Variants in PRKCA observed in about 807,000 individuals in gnomAD.
PRKCA encodes protein kinase C alpha, also known as protein kinase C alpha type.
PRKCA carries 27 observed loss-of-function variants against 87.0 expected under a neutral mutation model. That is an observed-to-expected ratio of 0.31 (90% CI 0.23 to 0.43). The LOEUF (loss-of-function observed/expected upper bound fraction) is 0.43, where lower values mean the gene tolerates loss of function less well. Among genes scored for constraint, PRKCA ranks in the 20% least tolerant of loss-of-function variants. The pLI is 1.00. For synonymous variants in PRKCA, 329 were observed against 311.1 expected, an observed-to-expected ratio of 1.06 and a Z score of -0.61; for missense variants, 518 against 852.3, an observed-to-expected ratio of 0.61 and a Z score of 4.88.
At chr17:66,392,215 G>C (rs964114431) in intron 2 of PRKCA, among the ~76,000 whole-genome samples, 3 of 146,122 alleles carry the variant, frequency 2.1e-5, no homozygotes, top group Admixed American at 7.0e-5. Context: ...GGGCGACAGA[G>C]CAAGACTGTG....
intron 8 of PRKCA, among the ~76,000 whole-genome samples, chr17:66,717,675 A>G (rs898936979): frequency 5.9e-5 from 9 of 152,230 alleles, no homozygotes; most frequent in Non-Finnish European, 1.2e-4. Flanking sequence ...TGTAGAGAAC[A>G]GAGCGTCCTT....
intron 7 of PRKCA, among the ~76,000 whole-genome samples, chr17:66,688,667 G>A (rs1052682986): frequency 3.3e-5 from 5 of 152,032 alleles, no homozygotes; most frequent in African/African-American, 1.2e-4. Context: ...GCCAGGTGTG[G>A]TGGTGTACCC....
intron 2 of PRKCA, among the ~76,000 whole-genome samples, chr17:66,471,631 T>C (rs1915328628): frequency 6.6e-6 from 1 of 151,292 alleles, no homozygotes; most frequent in Non-Finnish European, 1.5e-5. Context: ...GAAAATTGAA[T>C]GGACTGTTTT....
intron 8 of PRKCA, among the ~76,000 whole-genome samples, chr17:66,706,903 T>C (rs1973207236): frequency 6.6e-6 from 1 of 152,184 alleles, no homozygotes; most frequent in Admixed American, 6.5e-5. Context: ...TTGTGACCTC[T>C]GGGTTAATGG....
intron 5 of PRKCA, among the ~76,000 whole-genome samples, chr17:66,664,864 T>C (rs1044070278): frequency 4.6e-5 from 7 of 152,000 alleles, no homozygotes; most frequent in Non-Finnish European, 1.0e-4. Context: ...GGTCTCACAC[T>C]CCTGGCCTCA....
chr17:66,435,816 TAGAG>T (rs1913360647), intron 2 of PRKCA, among the ~76,000 whole-genome samples: 1 of 152,042 alleles, frequency 6.6e-6, no homozygotes, highest in African/African-American at 2.4e-5. Context: ...GGTTTCCAGA[TAGAG>T]AGGATGCCAT....
intron 3 of PRKCA, among the ~76,000 whole-genome samples, chr17:66,560,170 C>A (rs557485216): frequency 2.8e-4 from 43 of 151,996 alleles, no homozygotes; most frequent in African/African-American, 9.2e-4. Flanking sequence ...GAGAGGCATA[C>A]CCCCAGAGGC....
chr17:66,592,643 C>T (rs1969844675), intron 3 of PRKCA, among the ~76,000 whole-genome samples: 1 of 152,152 alleles, frequency 6.6e-6, no homozygotes, highest in African/African-American at 2.4e-5. Flanking sequence ...GAACGGTTCT[C>T]CTGAAAATTC....
chr17:66,803,620 C>G lies in PRKCA; in HGVS notation c.1855-253C>G, dbSNP rs922126636. On this transcript the variant is annotated intron_variant, in intron 16 of 16. Coordinates refer to ENST00000413366, the MANE Select transcript of PRKCA (RefSeq NM_002737.3). This position sits in a 1 kb window ranked among gnomAD's most constrained non-coding sequence, Gnocchi z 4.4. The stretch of plus-strand genomic sequence containing the variant: ...ACAGGGGCTGTCCCCTTGTTGCTGC[C>G]TCATTGCCAGCCGTGCAATTCCCAC... 4.0e-5 allele frequency among the ~76,000 whole-genome samples: 6 copies of G among 150,466 alleles called. No individual in the cohort carries two copies. In the East Asian group the frequency reaches 9.9e-4, roughly 25 times the overall value.
chr17:66,543,029 A>G (rs1457938360), intron 3 of PRKCA, among the ~76,000 whole-genome samples: 30 of 152,130 alleles, frequency 2.0e-4, no homozygotes, highest in Admixed American at 2.0e-3. Flanking sequence ...TTATGCTGTT[A>G]TTTTCACTCA....
At chr17:66,774,802 T>C (rs948044259) in intron 14 of PRKCA, 20 of 985,448 alleles carry the variant, frequency 2.0e-5, no homozygotes, top group Non-Finnish European at 2.3e-5. Context: ...AGAAGTGTTT[T>C]AATAGTTTCT....
intron 2 of PRKCA, among the ~76,000 whole-genome samples, chr17:66,446,794 G>A (rs1471492244): frequency 1.3e-5 from 2 of 152,128 alleles, no homozygotes; most frequent in Admixed American, 1.3e-4. Flanking sequence ...GGATCTTGGG[G>A]CCCTAGTGAT....
chr17:66,634,931 A>G (rs1971112847), intron 3 of PRKCA, among the ~76,000 whole-genome samples: 1 of 152,232 alleles, frequency 6.6e-6, no homozygotes, highest in African/African-American at 2.4e-5. Context: ...ACAGAATCAT[A>G]ATTATCATAA....
At chr17:66,604,820 G>A (rs1020665193) in intron 3 of PRKCA, among the ~76,000 whole-genome samples, 2 of 152,164 alleles carry the variant, frequency 1.3e-5, no homozygotes, top group Admixed American at 1.3e-4. Flanking sequence ...AATTATGATT[G>A]CACTTCTAGG....
intron 10 of PRKCA, 111 bp downstream of exon 10, chr17:66,735,773 T>C: frequency 1.5e-6 from 2 of 1,303,582 alleles, no homozygotes; most frequent in Non-Finnish European, 2.1e-6. Flanking sequence ...GAAAGGTGTG[T>C]TGTGATGTCA....
At chr17:66,311,596 G>A (rs1905089688) in intron 2 of PRKCA, among the ~76,000 whole-genome samples, 1 of 152,142 alleles carries the variant, frequency 6.6e-6, no homozygotes. Context: ...CAGCCTGGGC[G>A]ACAGAGTGAG....
intron 3 of PRKCA, among the ~76,000 whole-genome samples, chr17:66,615,746 G>A (rs908402097): frequency 3.9e-5 from 6 of 152,062 alleles, no homozygotes; most frequent in South Asian, 2.1e-4. Flanking sequence ...GCATTCCGTC[G>A]GCAGTCACCA....
chr17:66,374,358 G>A (rs112004672), intron 2 of PRKCA, among the ~76,000 whole-genome samples: 2 of 152,120 alleles, frequency 1.3e-5, no homozygotes, highest in South Asian at 2.1e-4. Flanking sequence ...GGGGTGTTCC[G>A]CCTCCTAAGA....
intron 2 of PRKCA, chr17:66,306,369 G>A (rs35814799): frequency 0.25 from 97,350 of 384,274 alleles, 13,332 homozygotes; most frequent in Admixed American, 0.3. Flanking sequence ...ATTTTTTGCC[G>A]AGAACATTCT....
Sources: allele counts gnomAD v4.1 joint callset (sites outside exome capture counted in the v4.1 genomes callset), GRCh38; gene constraint gnomAD v4.1.1; non-coding constraint Gnocchi (gnomAD v3.1); transcripts MANE v1.5; gene names NCBI Gene and HGNC (gene_info 2026-07-23, HGNC 2026-07-21).